KCNIP3: variants seen among roughly 807,000 people sequenced by gnomAD.
The protein encoded by KCNIP3 is potassium voltage-gated channel interacting protein 3.
In KCNIP3, 28 loss-of-function variants were observed where a neutral mutation model predicts 35.0. That is an observed-to-expected ratio of 0.80 (90% CI 0.59 to 1.10). The LOEUF is 1.10. Among genes scored for constraint, KCNIP3 ranks in the 50% least tolerant of loss-of-function variants. KCNIP3 has a pLI of 0.00. For synonymous variants in KCNIP3, 134 were observed against 133.8 expected (o/e 1.00, Z -0.01); for missense variants, 295 against 338.4 (o/e 0.87, Z 1.01).
intron 2 of KCNIP3, among the ~76,000 whole-genome samples, chr2:95,341,219 G>C (rs1679186497): frequency 6.6e-6 from 1 of 152,146 alleles, no homozygotes. Flanking sequence ...TGTGAGACCT[G>C]GGTGTTAAAA....
intron 2 of KCNIP3, chr2:95,368,524 G>A: frequency 3.2e-6 from 1 of 312,422 alleles, no homozygotes; most frequent in South Asian, 4.4e-5. Flanking sequence ...AATAACCTAT[G>A]GAAATAAAAA....
chr2:95,300,118 T>A (rs887719237), intron 1 of KCNIP3, among the ~76,000 whole-genome samples: 4 of 152,176 alleles, frequency 2.6e-5, no homozygotes, highest in Admixed American at 2.0e-4. Flanking sequence ...GGGCATGCCT[T>A]TAACCAGATG....
Position 95,323,362 on chromosome 2 carries a change from G to A in KCNIP3, c.181+12842G>A, listed in dbSNP as rs562747164. On this transcript the variant is annotated intron_variant, in intron 2 of 8. Coordinates refer to ENST00000295225, the MANE Select transcript of KCNIP3 (RefSeq NM_013434.5). ...AGCAGCTTTCAGATGCTCTGGGGTG[G>A]GAGGAAACGTCTCTGTGTGCTTAGA... Among the ~76,000 whole-genome samples the A allele has an allele frequency of 3.9e-5, 6 of 152,286 alleles. No homozygotes were observed. In the East Asian group the frequency reaches 1.2e-3, roughly 29 times the overall value.
intron 2 of KCNIP3, among the ~76,000 whole-genome samples, chr2:95,321,419 G>C (rs1167529754): frequency 1.3e-5 from 2 of 152,222 alleles, no homozygotes; most frequent in Non-Finnish European, 2.9e-5. Flanking sequence ...TGGAGCCCCA[G>C]AGACAAGTCT....
intron 2 of KCNIP3, chr2:95,347,000 C>T (rs557016502): frequency 2.5e-6 from 4 of 1,587,712 alleles, no homozygotes; most frequent in African/African-American, 2.7e-5. Context: ...GCCCCAGGGC[C>T]CCAGGCAGCC....
chr2:95,363,637 T>A (rs1249943761), intron 2 of KCNIP3, among the ~76,000 whole-genome samples: 2 of 152,254 alleles, frequency 1.3e-5, no homozygotes, highest in Non-Finnish European at 1.5e-5. Flanking sequence ...ACTGAATTTT[T>A]TATTGGAATT....
chr2:95,312,067 C>G (rs1297829781), intron 2 of KCNIP3: 1 of 152,242 alleles, frequency 6.6e-6, no homozygotes, highest in Non-Finnish European at 1.5e-5. Context: ...TCCACTCTGA[C>G]GGGCACAGCT....
chr2:95,331,689 C>A (rs567260849), intron 2 of KCNIP3, among the ~76,000 whole-genome samples: 1 of 152,222 alleles, frequency 6.6e-6, no homozygotes, highest in African/African-American at 2.4e-5. Context: ...TTCCAAAGAG[C>A]GCCCCACATC....
chr2:95,370,794 T>C (rs1285511196), intron 2 of KCNIP3, among the ~76,000 whole-genome samples: 1 of 152,088 alleles, frequency 6.6e-6, no homozygotes, highest in East Asian at 1.9e-4. Flanking sequence ...GAAGTTTTGC[T>C]CTGTCAACAG....
chr2:95,345,530 G>A (rs1679328867), intron 2 of KCNIP3, among the ~76,000 whole-genome samples: 1 of 151,268 alleles, frequency 6.6e-6, no homozygotes, highest in Non-Finnish European at 1.5e-5. Flanking sequence ...AGGCTCCCTA[G>A]ATGGAAGCTG....
chr2:95,365,045 A>G (rs984244827), intron 2 of KCNIP3, among the ~76,000 whole-genome samples: 5 of 151,964 alleles, frequency 3.3e-5, no homozygotes, highest in African/African-American at 1.2e-4. Context: ...GCACCACTGC[A>G]CTCCAGCCTG....
At position 95,382,478 on chromosome 2, in the gene KCNIP3, C is replaced by T. The variant is rs750374890; in HGVS notation, c.657C>T (p.Phe219=). Residue 219 remains phenylalanine, a synonymous_variant, in exon 7 of 9, where the codon TTC becomes TTT. Transcript: ENST00000295225. This position sits in a 1 kb window ranked among gnomAD's most constrained non-coding sequence, Gnocchi z 4.5. ...CGGCGGAGCACGTGGAGAGGTTCTT[C>T]GAGGTGAGCGAGCGCCAGCCCTGCC... ...DAPAEHVERF[F]EKMDRNQDGV... The T allele has an allele frequency of 2.3e-5, 36 of 1,598,822 alleles. No homozygotes were observed. In the Middle Eastern group the frequency reaches 5.0e-4, roughly 22 times the overall value.
At chr2:95,309,787 G>A (rs1678265709) in intron 1 of KCNIP3, among the ~76,000 whole-genome samples, 1 of 152,180 alleles carries the variant, frequency 6.6e-6, no homozygotes, top group African/African-American at 2.4e-5. Flanking sequence ...GCCCATAGCT[G>A]GAGCTGTTTC....
At chr2:95,326,579 G>A (rs182770234) in intron 2 of KCNIP3, among the ~76,000 whole-genome samples, 4 of 152,336 alleles carry the variant, frequency 2.6e-5, no homozygotes, top group Non-Finnish European at 1.5e-5. Flanking sequence ...GCTGCACTGC[G>A]GCTGTGCTTG....
intron 1 of KCNIP3, among the ~76,000 whole-genome samples, chr2:95,308,189 C>T (rs1362945233): frequency 1.3e-5 from 2 of 152,204 alleles, no homozygotes; most frequent in Non-Finnish European, 2.9e-5. Context: ...CCCAGGCACC[C>T]GTCCACCCCC....
intron 2 of KCNIP3, among the ~76,000 whole-genome samples, chr2:95,361,708 C>T (rs1226643056): frequency 6.6e-6 from 1 of 152,182 alleles, no homozygotes; most frequent in Non-Finnish European, 1.5e-5. Context: ...GCCAGTACTC[C>T]ATAAACTCAC....
rs1411215648 is a variant in KCNIP3, at chr2:95,363,831, A to G, written c.182-10465A>G. On this transcript the variant is annotated intron_variant, in intron 2 of 8. Transcript: ENST00000295225. ...TGTTTATCTTGGTATTTTTAATTATATTTTCTAGATGGTTATTACTGGTGT... is the reference window on the plus strand; with the variant it reads ...TGTTTATCTTGGTATTTTTAATTATGTTTTCTAGATGGTTATTACTGGTGT... 5.9e-5 allele frequency among the ~76,000 whole-genome samples: 9 copies of G among 152,054 alleles called. No individual in the cohort carries two copies. The East Asian group carries it at 1.5e-3, about 26-fold the overall frequency.
Position 95,384,136 on chromosome 2 carries a change from A to T in KCNIP3, c.*87A>T. ...CAGGAGCAGCCTCCAAGAAACTTTT[A>T]AAAAATAGATTTGCAAAAAGTGAAC... On this transcript the variant is annotated 3_prime_UTR_variant, in exon 9 of 9. Transcript: ENST00000295225. The T allele has an allele frequency of 8.4e-7, 1 of 1,195,662 alleles. No individual in the cohort carries two copies. The highest frequency in any genetic ancestry group is 1.2e-6 in the Non-Finnish European group (1 of 801,058). 74.1% of individuals were successfully genotyped at this position (1,195,662 alleles called of 1,614,324 possible).
At chr2:95,300,691 T>C (rs1192042739) in intron 1 of KCNIP3, among the ~76,000 whole-genome samples, 9 of 152,234 alleles carry the variant, frequency 5.9e-5, no homozygotes, top group Admixed American at 5.2e-4. Flanking sequence ...GATCAGCCCA[T>C]GCCTTAGAAG....
Sources: allele counts gnomAD v4.1 joint callset (sites outside exome capture counted in the v4.1 genomes callset), GRCh38; gene constraint gnomAD v4.1.1; non-coding constraint Gnocchi (gnomAD v3.1); transcripts MANE v1.5; gene names NCBI Gene and HGNC (gene_info 2026-07-23, HGNC 2026-07-21).